The following IL19 variants were observed in gnomAD, a reference collection of about 807,000 sequenced individuals.
IL19 encodes interleukin-19.
In IL19, 15 loss-of-function variants were observed where a neutral mutation model predicts 19.5. The observed-to-expected ratio is 0.77, with a 90% CI of 0.52 to 1.19. The LOEUF (loss-of-function observed/expected upper bound fraction) is 1.19, where lower values mean the gene tolerates loss of function less well. Ranked by LOEUF, IL19 falls within the 50% of genes most tolerant of loss-of-function variation. The probability of loss-of-function intolerance (pLI) is 0.00; values close to 1 mark genes in which losing one functional copy is unlikely to be tolerated. For synonymous variants in IL19, 78 were observed against 78.3 expected (o/e 1.00, Z 0.02); for missense variants, 199 against 213.1 (o/e 0.93, Z 0.41).
Position 206,841,089 on chromosome 1 carries a change from G to T in IL19, c.438+11G>T. 6.2e-7 allele frequency: 1 copy of T among 1,610,960 alleles called. No individual in the cohort carries two copies. The highest frequency in any genetic ancestry group is 2.2e-5 in the East Asian group (1 of 44,882). On this transcript the variant is annotated intron_variant, in intron 6 of 6. Transcript: ENST00000659997. ...GACAACTATGATCAGGTAAGATCTG[G>T]GAAGAGGTTGGGGAAGATGGAAGAT...
chr1:206,840,849 C>A (rs1433671894), intron 5 of IL19, among the ~76,000 whole-genome samples, 155 bp from the exon 6 acceptor site: 3 of 152,164 alleles, frequency 2.0e-5, no homozygotes, highest in Non-Finnish European at 4.4e-5. Context: ...TACAGACAAG[C>A]TCTATTCTTC....
At position 206,818,184 on chromosome 1, in the gene IL19, A is replaced by G. The variant is rs116292997; in HGVS notation, c.-2-18477A>G. ...AACCAAGTTGGCCTAATTAACATAT[A>G]TAGAACACTCTACCTAACAATATTA... On this transcript the variant is annotated intron_variant, in intron 2 of 6. Coordinates refer to ENST00000659997, the MANE Select transcript of IL19 (RefSeq NM_153758.5). Among the ~76,000 whole-genome samples the G allele has an allele frequency of 4.9e-3, 743 of 152,366 alleles. 4 individuals carry two copies. Among genetic ancestry groups the G allele is most frequent in the African/African-American group, 0.017 (712 of 41,588 alleles).
intron 2 of IL19, among the ~76,000 whole-genome samples, chr1:206,816,610 A>T (rs1213397869): frequency 2.6e-5 from 4 of 152,210 alleles, no homozygotes; most frequent in Non-Finnish European, 4.4e-5. Flanking sequence ...AGGCAGAAAA[A>T]GGGGCAAAGG....
intron 2 of IL19, chr1:206,833,854 G>T: frequency 1.0e-6 from 1 of 985,452 alleles, no homozygotes; most frequent in Non-Finnish European, 1.2e-6. Flanking sequence ...ACAAAATGAT[G>T]CAGGTAAAGC....
intron 4 of IL19, among the ~76,000 whole-genome samples, chr1:206,838,695 T>G (rs1451843504): frequency 6.6e-6 from 1 of 152,084 alleles, no homozygotes; most frequent in Non-Finnish European, 1.5e-5. Flanking sequence ...TCATGTGGAA[T>G]AAGAAAAGGA....
intron 2 of IL19, among the ~76,000 whole-genome samples, chr1:206,831,198 A>G (rs1433661590): frequency 1.3e-5 from 2 of 152,206 alleles, no homozygotes; most frequent in African/African-American, 2.4e-5. Context: ...GTTGGAGTGC[A>G]TGTTAGGCGG....
chr1:206,814,329 G>A lies in IL19; in HGVS notation c.-3+15323G>A, dbSNP rs531372347. On this transcript the variant is annotated intron_variant, in intron 2 of 6. Coordinates refer to ENST00000659997, the MANE Select transcript of IL19 (RefSeq NM_153758.5). ...AAACCCAAGTATGTAGCTTAGAAGA[G>A]CAGCAAGAGAAAATGGTTAACACAT... is the stretch of plus-strand genomic sequence containing the variant. Among the ~76,000 whole-genome samples the A allele has an allele frequency of 2.6e-5, 4 of 151,820 alleles. No homozygotes were observed. The East Asian group carries it at 7.7e-4, about 29-fold the overall frequency.
At chr1:206,827,243 GA>G (rs1319496873) in intron 2 of IL19, among the ~76,000 whole-genome samples, 1 of 152,132 alleles carries the variant, frequency 6.6e-6, no homozygotes, top group African/African-American at 2.4e-5. Flanking sequence ...AGGAGTTAAT[GA>G]ATAGAAATAT....
At chr1:206,814,690 T>TCTCA (rs150151755) in intron 2 of IL19, among the ~76,000 whole-genome samples, 25 of 140,570 alleles carry the variant, frequency 1.8e-4, no homozygotes, top group Non-Finnish European at 2.6e-4. Flanking sequence ...TGAAACTCTG[T>TCTCA]CACACACACA....
At chr1:206,808,500 C>CGTGTGTGTGTGT (rs36044951) in intron 2 of IL19, among the ~76,000 whole-genome samples, 60 of 148,712 alleles carry the variant, frequency 4.0e-4, no homozygotes, top group Middle Eastern at 6.9e-3. Flanking sequence ...TGTGTGTGTG[C>CGTGTGTGTGTGT]GTGTGTGTGT....
intron 1 of IL19, among the ~76,000 whole-genome samples, chr1:206,798,170 A>G (rs1675573479): frequency 6.6e-6 from 1 of 152,082 alleles, no homozygotes; most frequent in African/African-American, 2.4e-5. Flanking sequence ...GGGTCTCACT[A>G]TATTGCCCAG....
intron 4 of IL19, among the ~76,000 whole-genome samples, chr1:206,837,902 T>C (rs965355543): frequency 6.6e-5 from 10 of 151,986 alleles, no homozygotes; most frequent in African/African-American, 1.9e-4. Context: ...GGACTTGGAA[T>C]CCCTGGGAGG....
chr1:206,791,080 G>A (rs1675391631), intron 1 of IL19, among the ~76,000 whole-genome samples: 1 of 152,158 alleles, frequency 6.6e-6, no homozygotes, highest in African/African-American at 2.4e-5. Context: ...ATCAAGATAC[G>A]AAGATGGACC....
At chr1:206,825,087 T>G (rs186452550) in intron 2 of IL19, among the ~76,000 whole-genome samples, 261 of 152,272 alleles carry the variant, frequency 1.7e-3, no homozygotes, top group Non-Finnish European at 2.9e-3. Context: ...TGTTACTAAT[T>G]TAGGGTTCAT....
At position 206,824,143 on chromosome 1, in the gene IL19, G is replaced by C. The variant is rs573656680; in HGVS notation, c.-2-12518G>C. ...TCCAGAGGCTTGGGTCCCCTGGATG[G>C]AGGGCAACCCTAGCTGTTGCCCCAG... is the stretch of plus-strand genomic sequence containing the variant. On this transcript the variant is annotated intron_variant, in intron 2 of 6. Transcript: ENST00000659997. Among the ~76,000 whole-genome samples the C allele has an allele frequency of 1.7e-3, 261 of 152,334 alleles. 1 individual carries two copies. Among genetic ancestry groups the C allele is most frequent in the African/African-American group, 6.0e-3 (250 of 41,570 alleles).
intron 2 of IL19, among the ~76,000 whole-genome samples, chr1:206,835,010 C>A (rs1045300191): frequency 6.6e-6 from 1 of 152,316 alleles, no homozygotes; most frequent in South Asian, 2.1e-4. Flanking sequence ...ACGTAAAATT[C>A]TTGGGACAGT....
At chr1:206,777,663 G>A (rs551651772) in intron 1 of IL19, among the ~76,000 whole-genome samples, 1 of 152,206 alleles carries the variant, frequency 6.6e-6, no homozygotes, top group Non-Finnish European at 1.5e-5. Context: ...GCAGGTTGAC[G>A]ATGCAGGCAG....
chr1:206,775,550 T>C (rs906895899), intron 1 of IL19, among the ~76,000 whole-genome samples: 1 of 152,354 alleles, frequency 6.6e-6, no homozygotes, highest in East Asian at 1.9e-4. Flanking sequence ...TAACGGCTTC[T>C]CCATCAATAT....
At chr1:206,797,761 T>G (rs1288807593) in intron 1 of IL19, among the ~76,000 whole-genome samples, 1 of 152,160 alleles carries the variant, frequency 6.6e-6, no homozygotes, top group Non-Finnish European at 1.5e-5. Flanking sequence ...GGATCAGGAC[T>G]CCCTGGGACA....
Sources: gnomAD v4.1 joint callset for allele counts (sites outside exome capture counted in the v4.1 genomes callset) on GRCh38, gnomAD v4.1.1 for gene constraint, MANE v1.5 for transcripts, NCBI Gene and HGNC (gene_info 2026-07-23, HGNC 2026-07-21) for gene names.